The following ADGRF5 variants were observed in gnomAD, a reference collection of about 807,000 sequenced individuals.
ADGRF5 encodes the protein G-protein coupled receptor 116.
A neutral mutation model predicts 132.3 loss-of-function variants in ADGRF5; 75 were observed. The observed-to-expected ratio is 0.57, with a 90% CI of 0.47 to 0.69. ADGRF5 has a LOEUF of 0.69. ADGRF5 is among the 30% of genes least tolerant of loss of function. ADGRF5 has a pLI of 0.00. For synonymous variants in ADGRF5, 629 were observed against 597.6 expected (o/e 1.05, Z -0.77); for missense variants, 1,516 against 1,630.6 (o/e 0.93, Z 1.21).
At chr6:46,914,676 C>A (rs1329535557) in intron 1 of ADGRF5, among the ~76,000 whole-genome samples, 2 of 151,616 alleles carry the variant, frequency 1.3e-5, no homozygotes, top group Non-Finnish European at 2.9e-5. Context: ...AAAAGATTGC[C>A]ATCTATGTGA....
chr6:46,930,749 C>A (rs1777517479), intron 1 of ADGRF5, among the ~76,000 whole-genome samples: 1 of 152,132 alleles, frequency 6.6e-6, no homozygotes, highest in Non-Finnish European at 1.5e-5. Context: ...CACTGGAAAA[C>A]AGTCAATTAA....
chr6:46,888,385 C>T lies in ADGRF5; in HGVS notation c.278G>A (p.Gly93Glu). 1 of 1,612,224 alleles carries T rather than the reference C, an allele frequency of 6.2e-7. No homozygotes were observed. The highest frequency in any genetic ancestry group is 8.5e-7 in the Non-Finnish European group (1 of 1,178,414). Residue 93 changes from glycine to glutamate, a missense_variant, in exon 4 of 21, where the codon GGG becomes GAG. Coordinates refer to ENST00000283296, the MANE Select transcript of ADGRF5 (RefSeq NM_001098518.2). ...YLNSLSFPIH[G>E]NNTDQITDIL... ...GTCGGTAATTTGGTCAGTGTTATTC[C>T]CATGAATTGGAAAACTGAGGCTGTT...
At chr6:46,950,965 G>A (rs1582092969) in intron 1 of ADGRF5, among the ~76,000 whole-genome samples, 1 of 152,170 alleles carries the variant, frequency 6.6e-6, no homozygotes, top group African/African-American at 2.4e-5. Flanking sequence ...AACCAGGTCT[G>A]CCTCTTTCTA....
rs766750024 is a variant in ADGRF5, at chr6:46,858,466, G to A, written c.3437C>T (p.Thr1146Met). 23 of 1,613,774 alleles carry A rather than the reference G, an allele frequency of 1.4e-5. No homozygotes were observed. The highest frequency in any genetic ancestry group is 6.7e-5 in the Admixed American group (4 of 59,996). ...YGCPLAISVI[T>M]LGATQPREVY... is the part of the protein sequence containing the mutation. Reference sequence around the variant, plus strand: ...TTCCCGGGGCTGGGTGGCTCCCAGCGTGATGACCGAGATGGCAAGTGGGCA... The same window carrying A: ...TTCCCGGGGCTGGGTGGCTCCCAGCATGATGACCGAGATGGCAAGTGGGCA... The change falls in exon 17 of 21, where the codon ACG (threonine) becomes ATG (methionine). Residue 1146 changes from threonine (T) to methionine (M), a missense_variant. This residue lies in a region of ADGRF5 where 571 missense variants were observed against 701.2 expected (regional missense o/e 0.81). Transcript: ENST00000283296.
At chr6:46,927,390 C>G (rs186909299) in intron 1 of ADGRF5, among the ~76,000 whole-genome samples, 1 of 152,098 alleles carries the variant, frequency 6.6e-6, no homozygotes, top group Non-Finnish European at 1.5e-5. Context: ...AGGTCACAAG[C>G]AGCGTTAGTG....
chr6:46,898,983 TGAG>T (rs1774466783), intron 3 of ADGRF5, among the ~76,000 whole-genome samples: 1 of 152,180 alleles, frequency 6.6e-6, no homozygotes, highest in East Asian at 1.9e-4. Context: ...GCTACAGAGA[TGAG>T]GAGAACGCAG....
At chr6:46,949,597 C>T (rs758158523) in intron 1 of ADGRF5, among the ~76,000 whole-genome samples, 14 of 152,212 alleles carry the variant, frequency 9.2e-5, no homozygotes, top group Non-Finnish European at 1.8e-4. Context: ...ATAGTCCTTG[C>T]AACTTAGAAG....
chr6:46,913,527 G>A (rs776997060), intron 1 of ADGRF5, among the ~76,000 whole-genome samples: 4 of 152,080 alleles, frequency 2.6e-5, no homozygotes, highest in South Asian at 4.2e-4. Context: ...AGAAGAAGGG[G>A]GTGGTCAACT....
At chr6:46,919,080 A>G (rs1473656287) in intron 1 of ADGRF5, among the ~76,000 whole-genome samples, 1 of 152,258 alleles carries the variant, frequency 6.6e-6, no homozygotes, top group Non-Finnish European at 1.5e-5. Context: ...GATGGACAGC[A>G]GGTGATAGAA....
At chr6:46,867,660 C>A (rs907917154) in intron 12 of ADGRF5, among the ~76,000 whole-genome samples, 1 of 152,176 alleles carries the variant, frequency 6.6e-6, no homozygotes, top group Non-Finnish European at 1.5e-5. Context: ...AAGATTACAA[C>A]AGCACCTACA....
intron 2 of ADGRF5, among the ~76,000 whole-genome samples, chr6:46,904,918 G>A (rs1007861911): frequency 9.2e-5 from 14 of 152,108 alleles, no homozygotes; most frequent in Non-Finnish European, 1.9e-4. Flanking sequence ...CCAAAGAAAA[G>A]TGGGGTCCTT....
chr6:46,937,761 A>G (rs1316125158), intron 1 of ADGRF5, among the ~76,000 whole-genome samples: 3 of 152,202 alleles, frequency 2.0e-5, no homozygotes, highest in Admixed American at 2.0e-4. Context: ...TCACTTGAAC[A>G]CAGGTGCTGC....
At chr6:46,861,177 G>A (rs116684251) in intron 15 of ADGRF5, among the ~76,000 whole-genome samples, 389 of 152,314 alleles carry the variant, frequency 2.6e-3, no homozygotes, top group African/African-American at 8.7e-3. Context: ...GGCTAGAGAA[G>A]TAGGTTAAAG....
In ADGRF5 at chr6:46,854,019, T is replaced by C. The variant is rs1181748348; in HGVS notation, c.4014A>G (p.Ser1338=). 1 of 1,606,040 alleles carries C rather than the reference T, an allele frequency of 6.2e-7. No individual in the cohort carries two copies. The highest frequency in any genetic ancestry group is 8.5e-7 in the Non-Finnish European group (1 of 1,177,110). ...AGTTGAGCAACGAAGAAGCACTGGA[T>C]GAGTTTTCCAGGGATGAGCTGGTTG... ...PEATSSSLEN[S]SSASSLLN is the part of the protein sequence containing the mutation. Residue 1338 remains serine, a synonymous_variant, in exon 21 of 21, where the codon TCA becomes TCG. Transcript: ENST00000283296.
intron 1 of ADGRF5, among the ~76,000 whole-genome samples, chr6:46,937,003 T>A (rs1485170076): frequency 6.6e-6 from 1 of 152,192 alleles, no homozygotes; most frequent in South Asian, 2.1e-4. Flanking sequence ...TTCTTGACCC[T>A]TTTTACTTAA....
upstream of ADGRF5, among the ~76,000 whole-genome samples, chr6:46,922,803 G>C (rs1777047138): frequency 6.6e-6 from 1 of 152,206 alleles, no homozygotes. Flanking sequence ...GTAGTCCCAA[G>C]AGTATCTTCA....
chr6:46,903,989 T>C (rs1775042877), intron 2 of ADGRF5, among the ~76,000 whole-genome samples: 1 of 152,172 alleles, frequency 6.6e-6, no homozygotes, highest in Non-Finnish European at 1.5e-5. Context: ...TTTCCAAAGC[T>C]AATGAGAGTC....
intron 10 of ADGRF5, among the ~76,000 whole-genome samples, chr6:46,875,091 A>G (rs1427296043): frequency 6.6e-6 from 1 of 152,228 alleles, no homozygotes; most frequent in Non-Finnish European, 1.5e-5. Context: ...AACCACTGCT[A>G]TAAGCAAAAA....
chr6:46,890,678 C>A (rs554361378), intron 3 of ADGRF5, among the ~76,000 whole-genome samples: 1 of 152,004 alleles, frequency 6.6e-6, no homozygotes, highest in South Asian at 2.1e-4. Context: ...TATCGTGCCA[C>A]TGCACTCCAG....
Sources: gnomAD v4.1 joint callset for allele counts (sites outside exome capture counted in the v4.1 genomes callset) on GRCh38, gnomAD v4.1.1 for gene constraint, gnomAD v4.1.1 regional missense constraint, MANE v1.5 for transcripts, NCBI Gene and HGNC (gene_info 2026-07-23, HGNC 2026-07-21) for gene names.